The following PEG3 variants were observed in gnomAD, a reference collection of about 807,000 sequenced individuals.
PEG3 encodes paternally expressed 3, also known as paternally-expressed gene 3 protein.
A neutral mutation model predicts 35.5 loss-of-function variants in PEG3; 23 were observed. The ratio of observed to expected loss-of-function variants is 0.65; its 90% CI spans 0.47 to 0.92. PEG3 has a LOEUF of 0.92. Among genes scored for constraint, PEG3 ranks in the 40% least tolerant of loss-of-function variants. PEG3 has a pLI of 0.00. For missense variants in PEG3, 1,960 were observed against 1,985.3 expected (o/e 0.99, Z 0.24); for synonymous variants, 707 against 697.0 (o/e 1.01, Z -0.23).
rs752997722 is a variant in PEG3, at chr19:56,814,407, T to C, written c.4035A>G (p.Thr1345=). ...KDCGKSFIHS[T]VLTKHKELHL... ...GAAGCTCCTTATGTTTAGTGAGGAC[T>C]GTGCTATGAATAAAGGACTTACCAC... Residue 1345 remains threonine, a synonymous_variant, in exon 10 of 10, where the codon ACA becomes ACG. Coordinates refer to ENST00000326441, the MANE Select transcript of PEG3 (RefSeq NM_006210.3). This position sits in a 1 kb window ranked among gnomAD's most constrained non-coding sequence, Gnocchi z 5.8. 1 of 1,613,916 alleles carries C rather than the reference T, an allele frequency of 6.2e-7. No homozygotes were observed.
chr19:56,821,514 G>A, intron 7 of PEG3, 137 bp downstream of exon 7: 1 of 1,029,538 alleles, frequency 9.7e-7, no homozygotes, highest in Non-Finnish European at 1.4e-6. Context: ...GATGGGCCCG[G>A]GCTCCTCCTG....
intron 1 of PEG3, among the ~76,000 whole-genome samples, chr19:56,837,598 C>T (rs527489989): frequency 2.0e-5 from 3 of 152,366 alleles, no homozygotes; most frequent in Non-Finnish European, 4.4e-5. Flanking sequence ...CGCCACCAGC[C>T]ATGAGGGCAC....
rs766477069 is a variant in PEG3, at chr19:56,824,342, C to T, written c.314G>A (p.Trp105Ter). Residue 105 changes from tryptophan (W) to a stop codon, truncating the protein, a stop_gained, in exon 4 of 10, where the codon TGG (tryptophan) becomes TAG (stop). Coordinates refer to ENST00000326441, the MANE Select transcript of PEG3 (RefSeq NM_006210.3). LOFTEE classifies it high-confidence loss of function. ...LTIIPEKLKPWVRAKKPENCE... is the reference protein window; with the variant it reads ...LTIIPEKLKP ...GTTCTCCGGCTTTTTTGCTCGCACCCAAGGCTTGAGCTTTTCAGGGATGAT... is the reference window on the plus strand; with the variant it reads ...GTTCTCCGGCTTTTTTGCTCGCACCTAAGGCTTGAGCTTTTCAGGGATGAT... 8.7e-6 allele frequency: 14 copies of T among 1,613,962 alleles called. No individual in the cohort carries two copies. In the East Asian group the frequency reaches 2.7e-4, roughly 31 times the overall value.
chr19:56,840,646 C>T lies in PEG3; in HGVS notation c.-314G>A, dbSNP rs2062915682. 6.5e-6 allele frequency: 1 copy of T among 153,004 alleles called. No homozygotes were observed. The allele number at this position is 153,004 out of a possible 1,614,324, so 9.5% of individuals were successfully genotyped here. ...CCTAGCGCACCCTCATGGCGCCCGG[C>T]GCCCGGCGGCGCCACCAGCCCAGGG... On this transcript the variant is annotated 5_prime_UTR_variant, in exon 1 of 10. Coordinates refer to ENST00000326441, the MANE Select transcript of PEG3 (RefSeq NM_006210.3).
intron 2 of PEG3, 29 bp downstream of exon 2, chr19:56,835,989 T>C (rs776231408): frequency 3.9e-6 from 2 of 506,834 alleles, no homozygotes; most frequent in South Asian, 1.5e-5. Flanking sequence ...AAGATGAATG[T>C]GGCACTGTGA....
chr19:56,816,660 A>G lies in PEG3; in HGVS notation c.1782T>C (p.Arg594=). The G allele has an allele frequency of 6.2e-7, 1 of 1,613,888 alleles. No homozygotes were observed. The highest frequency in any genetic ancestry group is 8.5e-7 in the Non-Finnish European group (1 of 1,179,866). The part of the protein sequence containing the change: ...IHFGDDKDNE[R]EHERERERER... ...CACGTTCACGTTCACGTTCATGTTC[A>G]CGCTCATTATCTTTGTCATCCCCAA... The change falls in exon 10 of 10, where the codon CGT becomes CGC. Residue 594 remains arginine, a synonymous_variant. Coordinates refer to ENST00000326441, the MANE Select transcript of PEG3 (RefSeq NM_006210.3).
chr19:56,816,464 T>C lies in PEG3; in HGVS notation c.1978A>G (p.Lys660Glu). 6.2e-7 allele frequency: 1 copy of C among 1,613,762 alleles called. No individual in the cohort carries two copies. Among genetic ancestry groups the C allele is most frequent in the Non-Finnish European group, 8.5e-7 (1 of 1,179,844 alleles). Reference protein sequence around the residue: ...TRGNPFENKGKVCEETFIPGQ... With the variant: ...TRGNPFENKGEVCEETFIPGQ... ...GGAATAAAGGTTTCCTCACACACTT[T>C]ACCCTTGTTTTCAAATGGGTTCCCT... Residue 660 changes from lysine to glutamate, a missense_variant, in exon 10 of 10, where the codon AAA (lysine) becomes GAA (glutamate). Physicochemically the swap from Lys to Glu is moderately conservative, Grantham distance 56. This residue lies in a region of PEG3 where 798 missense variants were observed against 782.4 expected (regional missense o/e 1.02). Transcript: ENST00000326441.
chr19:56,821,388 C>T (rs1025732722), intron 7 of PEG3, among the ~76,000 whole-genome samples: 2 of 152,142 alleles, frequency 1.3e-5, no homozygotes, highest in African/African-American at 4.8e-5. Context: ...CTGTAGGGAA[C>T]GGCCAATGTG....
At chr19:56,833,095 C>T (rs2061729516) in intron 2 of PEG3, 1 of 499,148 alleles carries the variant, frequency 2.0e-6, no homozygotes, top group Non-Finnish European at 4.0e-6. Context: ...AATGAAAGAA[C>T]ACATCATGCA....
rs1037984346 is a variant in PEG3, at chr19:56,815,867, C to G, written c.2575G>C (p.Gly859Arg). 1 of 1,613,450 alleles carries G rather than the reference C, an allele frequency of 6.2e-7. No homozygotes were observed. Among genetic ancestry groups the G allele is most frequent in the Middle Eastern group, 1.6e-4 (1 of 6,062 alleles). Reference sequence around the variant, plus strand: ...TCTGAGATATAAATGGAGGATTCTCCCTTCTCATTAGATTCCACCAATTCA... The same window carrying G: ...TCTGAGATATAAATGGAGGATTCTCGCTTCTCATTAGATTCCACCAATTCA... ...GNELVESNEK[G>R]ESSIYISDLN... Residue 859 changes from glycine (G) to arginine (R), a missense_variant, in exon 10 of 10, where the codon GGA (glycine) becomes CGA (arginine). Transcript: ENST00000326441.
chr19:56,819,019 T>C (rs2146251344), intron 7 of PEG3, among the ~76,000 whole-genome samples: 1 of 152,298 alleles, frequency 6.6e-6, no homozygotes, highest in African/African-American at 2.4e-5. Flanking sequence ...AGATAGTAAG[T>C]GCTAAACGGG....
chr19:56,839,891 C>G (rs1219040960), intron 1 of PEG3, among the ~76,000 whole-genome samples: 1 of 152,372 alleles, frequency 6.6e-6, no homozygotes, highest in South Asian at 2.1e-4. Flanking sequence ...CCCCATCTGC[C>G]GCCAACCAAC....
At chr19:56,821,882 G>T in intron 6 of PEG3, 128 bp from the exon 7 acceptor site, 1 of 945,428 alleles carries the variant, frequency 1.1e-6, no homozygotes, top group Non-Finnish European at 1.6e-6. Flanking sequence ...TCTCTTCTCT[G>T]CATTCTGTGG....
At chr19:56,833,381 C>T in intron 2 of PEG3, 1 of 351,590 alleles carries the variant, frequency 2.8e-6, no homozygotes, top group South Asian at 2.2e-5. Flanking sequence ...GGTGTGTGGT[C>T]TCGTCTCTCT....
At chr19:56,836,694 CG>C (rs1041372941) in intron 1 of PEG3, among the ~76,000 whole-genome samples, 54 of 152,242 alleles carry the variant, frequency 3.5e-4, no homozygotes, top group African/African-American at 1.2e-3. Context: ...AAAGGATGGG[CG>C]CAGTGACTCG....
chr19:56,822,962 A>C (rs1185453039), intron 5 of PEG3, 126 bp from the exon 6 acceptor site: 3 of 1,264,548 alleles, frequency 2.4e-6, no homozygotes, highest in Non-Finnish European at 3.3e-6. Flanking sequence ...GATCCAAAAC[A>C]GAGAGCTCCA....
intron 1 of PEG3, among the ~76,000 whole-genome samples, chr19:56,838,061 G>A (rs1268311760): frequency 6.6e-6 from 1 of 152,228 alleles, no homozygotes; most frequent in African/African-American, 2.4e-5. Context: ...GATGGCACCT[G>A]CACAGTACAC....
chr19:56,825,948 TTCCCTCC>T (rs2060985734), intron 3 of PEG3, among the ~76,000 whole-genome samples: 2 of 152,136 alleles, frequency 1.3e-5, no homozygotes, highest in African/African-American at 4.8e-5. Flanking sequence ...GGGCTCCCAC[TTCCCTCC>T]CTATGCAAAC....
chr19:56,817,902 T>C (rs1255506326), intron 8 of PEG3, 67 bp from the exon 9 acceptor site: 11 of 1,282,102 alleles, frequency 8.6e-6, no homozygotes, highest in Non-Finnish European at 1.2e-5. Flanking sequence ...TCACCATAAA[T>C]TGATCTTCAT....
Sources: gnomAD v4.1 joint callset for allele counts (sites outside exome capture counted in the v4.1 genomes callset) on GRCh38, gnomAD v4.1.1 for gene constraint, gnomAD v4.1.1 regional missense constraint, Gnocchi (gnomAD v3.1) non-coding constraint, MANE v1.5 for transcripts, NCBI Gene and HGNC (gene_info 2026-07-23, HGNC 2026-07-21) for gene names.